EBF1: variants seen among roughly 807,000 people sequenced by gnomAD.
The protein encoded by EBF1 is transcription factor COE1.
A neutral mutation model predicts 68.4 loss-of-function variants in EBF1; 10 were observed. The observed-to-expected ratio is 0.15, with a 90% CI of 0.09 to 0.25. The LOEUF (loss-of-function observed/expected upper bound fraction) is 0.25, where lower values mean the gene tolerates loss of function less well. Among genes scored for constraint, EBF1 ranks in the 10% least tolerant of loss-of-function variants. The pLI is 1.00. For synonymous variants in EBF1, 298 were observed against 299.8 expected (o/e 0.99, Z 0.06); for missense variants, 509 against 794.4 (o/e 0.64, Z 4.32).
chr5:158,702,715 G>T (rs1757003695), intron 15 of EBF1, among the ~76,000 whole-genome samples: 1 of 110,702 alleles, frequency 9.0e-6, no homozygotes. Context: ...CTGCACTCCA[G>T]CCTGGGCTAC....
intron 10 of EBF1, among the ~76,000 whole-genome samples, chr5:158,771,109 TAGAA>T: frequency 6.6e-6 from 1 of 152,284 alleles, no homozygotes; most frequent in Middle Eastern, 3.4e-3. Context: ...TTCTAATGCC[TAGAA>T]AGAAACAATG....
chr5:158,952,348 C>T (rs567364070), intron 6 of EBF1, among the ~76,000 whole-genome samples: 33 of 152,268 alleles, frequency 2.2e-4, no homozygotes, highest in African/African-American at 6.5e-4. Context: ...TTATATTCCA[C>T]GGCACAAAGG....
chr5:159,015,300 A>G (rs1331242772), intron 6 of EBF1, among the ~76,000 whole-genome samples: 1 of 152,232 alleles, frequency 6.6e-6, no homozygotes, highest in Admixed American at 6.5e-5. Flanking sequence ...CTCGCACAAC[A>G]GAACTCATGG....
At chr5:158,713,840 A>C (rs766602896) in intron 12 of EBF1, among the ~76,000 whole-genome samples, 4 of 152,244 alleles carry the variant, frequency 2.6e-5, no homozygotes, top group African/African-American at 4.8e-5. Flanking sequence ...ATAAAGCACC[A>C]GTAACTCTCC....
rs1479347917 is a variant in EBF1, at chr5:158,847,976, C to T, written c.555-7866G>A. On this transcript the variant is annotated intron_variant, in intron 6 of 15. Transcript: ENST00000313708. ...CAACTTTGCTTCAGTAACAGCGACC[C>T]ACCCCACAAAGCCAAGCATAAAAAA... Among the ~76,000 whole-genome samples, 6 of 152,122 alleles carry T rather than the reference C, an allele frequency of 3.9e-5. No individual in the cohort carries two copies. The South Asian group carries it at 1.0e-3, about 26-fold the overall frequency.
At chr5:159,085,586 G>A (rs963456564) in intron 4 of EBF1, among the ~76,000 whole-genome samples, 7 of 152,274 alleles carry the variant, frequency 4.6e-5, no homozygotes, top group African/African-American at 1.7e-4. Flanking sequence ...ACAGCTATTA[G>A]CAGAGCAGGG....
chr5:158,934,413 T>C (rs1295967111), intron 6 of EBF1, among the ~76,000 whole-genome samples: 1 of 152,196 alleles, frequency 6.6e-6, no homozygotes, highest in Non-Finnish European at 1.5e-5. Flanking sequence ...CATACCACTC[T>C]GTAGAGATAT....
In EBF1 at chr5:158,999,990, T is replaced by C. The variant is rs554414680; in HGVS notation, c.554+73406A>G. ...GCTCCTGCAGAAATCTGAATGTCTCTGAGTCTCTTTTATGGGCCATGGGGT... is the reference window on the plus strand; with the variant it reads ...GCTCCTGCAGAAATCTGAATGTCTCCGAGTCTCTTTTATGGGCCATGGGGT... On this transcript the variant is annotated intron_variant, in intron 6 of 15. Coordinates refer to ENST00000313708, the MANE Select transcript of EBF1 (RefSeq NM_024007.5). 6.6e-5 allele frequency among the ~76,000 whole-genome samples: 10 copies of C among 152,336 alleles called. No individual in the cohort carries two copies. The South Asian group carries it at 1.9e-3, about 28-fold the overall frequency.
intron 6 of EBF1, among the ~76,000 whole-genome samples, chr5:158,889,027 ATTACT>A (rs546366279): frequency 2.0e-5 from 3 of 152,020 alleles, no homozygotes; most frequent in Non-Finnish European, 4.4e-5. Context: ...GTTCCCACTG[ATTACT>A]TTAGGGTTTT....
intron 6 of EBF1, among the ~76,000 whole-genome samples, chr5:158,955,352 T>C (rs1816855694): frequency 6.6e-6 from 1 of 151,900 alleles, no homozygotes; most frequent in Non-Finnish European, 1.5e-5. Flanking sequence ...AGAGAAGTAA[T>C]TGCAGAGTAG....
intron 6 of EBF1, among the ~76,000 whole-genome samples, chr5:159,052,095 C>T (rs1253745005): frequency 6.6e-6 from 1 of 151,936 alleles, no homozygotes; most frequent in Admixed American, 6.6e-5. Flanking sequence ...AAAACTAAAC[C>T]TTATTTGAGA....
At chr5:159,022,773 A>G (rs1293936758) in intron 6 of EBF1, among the ~76,000 whole-genome samples, 1 of 151,974 alleles carries the variant, frequency 6.6e-6, no homozygotes, top group African/African-American at 2.4e-5. Context: ...TCTCAAAGTC[A>G]CTCCTCAACT....
intron 10 of EBF1, among the ~76,000 whole-genome samples, chr5:158,753,894 T>C (rs1057133232): frequency 6.6e-6 from 1 of 152,024 alleles, no homozygotes; most frequent in Non-Finnish European, 1.5e-5. Context: ...TAAACAAAGT[T>C]GTTGTAGACC....
chr5:158,888,128 G>T (rs542109583), intron 6 of EBF1, among the ~76,000 whole-genome samples: 160 of 152,176 alleles, frequency 1.1e-3, no homozygotes, highest in African/African-American at 3.8e-3. Flanking sequence ...TTATTTATTT[G>T]ATTAGGAAAG....
intron 10 of EBF1, among the ~76,000 whole-genome samples, chr5:158,771,970 G>A (rs2127657095): frequency 6.6e-6 from 1 of 152,232 alleles, no homozygotes; most frequent in African/African-American, 2.4e-5. Context: ...GATCCTTCAG[G>A]TGAATCACCA....
intron 15 of EBF1, among the ~76,000 whole-genome samples, chr5:158,704,613 C>T (rs1757468363): frequency 6.6e-6 from 1 of 151,894 alleles, no homozygotes; most frequent in Non-Finnish European, 1.5e-5. Flanking sequence ...CCATAACCTG[C>T]CTTCATCCTT....
intron 6 of EBF1, among the ~76,000 whole-genome samples, chr5:158,901,467 T>A (rs1262110435): frequency 1.3e-5 from 2 of 152,246 alleles, no homozygotes; most frequent in African/African-American, 2.4e-5. Context: ...AATGAATATA[T>A]CTGTGCCTTC....
chr5:158,829,110 A>G (rs11954193), intron 7 of EBF1, among the ~76,000 whole-genome samples: 90,168 of 152,030 alleles, frequency 0.59, 26,902 homozygotes, highest in South Asian at 0.7. Context: ...GTAATGATGT[A>G]TATGTCCATG....
At chr5:158,769,002 T>A (rs1773344378) in intron 10 of EBF1, among the ~76,000 whole-genome samples, 1 of 152,178 alleles carries the variant, frequency 6.6e-6, no homozygotes, top group Non-Finnish European at 1.5e-5. Context: ...TACAGCTCAG[T>A]TCCTACTTTT....
Sources: allele counts gnomAD v4.1 joint callset (sites outside exome capture counted in the v4.1 genomes callset), GRCh38; gene constraint gnomAD v4.1.1; transcripts MANE v1.5; gene names NCBI Gene and HGNC (gene_info 2026-07-23, HGNC 2026-07-21).